SETD3: variants seen among roughly 807,000 people sequenced by gnomAD.
The protein encoded by SETD3 is SET domain containing 3, actin N3(tau)-histidine methyltransferase, also known as actin-histidine N-methyltransferase.
In SETD3, 19 loss-of-function variants were observed where a neutral mutation model predicts 63.0. The observed-to-expected ratio is 0.30, with a 90% CI of 0.21 to 0.44. SETD3 has a LOEUF of 0.44. Ranked by LOEUF, SETD3 falls within the 20% of genes least tolerant of loss-of-function variation. The pLI is 1.00. For missense variants in SETD3, 587 were observed against 728.5 expected, an observed-to-expected ratio of 0.81 and a Z score of 2.24; for synonymous variants, 286 against 264.1, an observed-to-expected ratio of 1.08 and a Z score of -0.80.
chr14:99,433,791 A>G lies in SETD3; in HGVS notation c.676-19857T>C, dbSNP rs943363769. Among the ~76,000 whole-genome samples the G allele has an allele frequency of 5.9e-5, 9 of 152,352 alleles. No individual in the cohort carries two copies. The South Asian group carries it at 6.2e-4, about 11-fold the overall frequency. On this transcript the variant is annotated intron_variant, in intron 6 of 12. Coordinates refer to ENST00000331768, the MANE Select transcript of SETD3 (RefSeq NM_032233.3). ...GAACAGGCACTTCCCAAAAGAGGAC[A>G]TCTAAGTAGCTAATAAGCAAATGAA...
intron 6 of SETD3, 75 bp downstream of exon 6, chr14:99,458,204 G>A (rs2139771967): frequency 2.1e-6 from 3 of 1,460,456 alleles, no homozygotes; most frequent in East Asian, 2.3e-5. Context: ...ACATCAAATG[G>A]AATATTTATG....
chr14:99,433,684 G>A (rs2139697089), intron 6 of SETD3, among the ~76,000 whole-genome samples: 1 of 152,244 alleles, frequency 6.6e-6, no homozygotes, highest in East Asian at 1.9e-4. Context: ...TGATCCACCT[G>A]CCTTGGCCTC....
chr14:99,485,247 G>A (rs959171235), upstream of SETD3, among the ~76,000 whole-genome samples: 3 of 152,132 alleles, frequency 2.0e-5, no homozygotes, highest in Non-Finnish European at 2.9e-5. Context: ...ATATACTTAC[G>A]ATTTATCCGC....
At chr14:99,413,835 AC>A (rs777246964) in intron 7 of SETD3, 40 bp downstream of exon 7, 94 of 1,603,024 alleles carry the variant, frequency 5.9e-5, no homozygotes, top group Non-Finnish European at 7.5e-5. Context: ...TCACTTAGAA[AC>A]CACCCTCAAT....
At chr14:99,413,111 C>T in intron 7 of SETD3, 46 bp from the exon 8 acceptor site, 1 of 1,129,232 alleles carries the variant, frequency 8.9e-7, no homozygotes, top group Non-Finnish European at 1.3e-6. Flanking sequence ...ATTTAAAAGC[C>T]AATTGCAGTA....
chr14:99,477,704 C>T (rs568638597), intron 1 of SETD3, among the ~76,000 whole-genome samples: 9 of 141,416 alleles, frequency 6.4e-5, no homozygotes, highest in African/African-American at 2.4e-4. Context: ...GCCGAGATCA[C>T]GACATTGCAC....
At position 99,399,204 on chromosome 14, in the gene SETD3, A is replaced by G. The variant is rs1595134486; in HGVS notation, c.1339-79T>C. On this transcript the variant is annotated intron_variant, in intron 12 of 12. Transcript: ENST00000331768. ...GAGACAGAGGGCACAACGGCTGGGG[A>G]TGGGGACATGAGGGAACTTTTTGGG... is the stretch of plus-strand genomic sequence containing the variant. The G allele has an allele frequency of 2.3e-6, 3 of 1,328,682 alleles. No individual in the cohort carries two copies. The Admixed American group carries it at 5.9e-5, about 26-fold the overall frequency. The allele number at this position is 1,328,682 out of a possible 1,614,324, so 82.3% of individuals were successfully genotyped here. A position where few individuals can be genotyped will look rare whatever the true frequency, so the allele number is the denominator to read the frequency against.
chr14:99,417,491 A>G (rs1892345611), intron 6 of SETD3, among the ~76,000 whole-genome samples: 1 of 152,264 alleles, frequency 6.6e-6, no homozygotes, highest in South Asian at 2.1e-4. Context: ...ATAAAGTATA[A>G]AAGAAGATGG....
rs186304740 is a variant in SETD3 at position 99,430,474 on chromosome 14, T to G, written c.676-16540A>C. ...CATGTTTTTAAAATAGGGAAAAAAG[T>G]CAAAGGTTTCTGACACCAGCACCAA... On this transcript the variant is annotated intron_variant, in intron 6 of 12. Coordinates refer to ENST00000331768, the MANE Select transcript of SETD3 (RefSeq NM_032233.3). Among the ~76,000 whole-genome samples, 27 of 152,300 alleles carry G rather than the reference T, an allele frequency of 1.8e-4. No individual in the cohort carries two copies. In the East Asian group the frequency reaches 4.4e-3, roughly 25 times the overall value.
chr14:99,419,576 C>T (rs956743844), intron 6 of SETD3, among the ~76,000 whole-genome samples: 4 of 151,992 alleles, frequency 2.6e-5, no homozygotes, highest in Non-Finnish European at 4.4e-5. Context: ...GAGATCGAGA[C>T]CATCCCGGCT....
chr14:99,399,989 C>G (rs930524086), intron 12 of SETD3, 110 bp downstream of exon 12: 21 of 979,112 alleles, frequency 2.1e-5, no homozygotes, highest in Non-Finnish European at 3.0e-5. Context: ...ATCCGCCCCG[C>G]CTCGACCTCC....
intron 1 of SETD3, among the ~76,000 whole-genome samples, chr14:99,477,826 A>AT (rs1157823877): frequency 2.0e-5 from 3 of 151,510 alleles, no homozygotes; most frequent in Non-Finnish European, 4.4e-5. Flanking sequence ...TTTGATAGAA[A>AT]TTTTTTACCT....
At chr14:99,414,774 A>G (rs1047477453) in intron 6 of SETD3, among the ~76,000 whole-genome samples, 3 of 31,758 alleles carry the variant, frequency 9.4e-5, no homozygotes, top group African/African-American at 4.8e-4. Flanking sequence ...TTCAGTTTCA[A>G]TTACAGTCTG....
At chr14:99,458,855 G>C (rs1280832385) in intron 5 of SETD3, among the ~76,000 whole-genome samples, 2 of 151,468 alleles carry the variant, frequency 1.3e-5, no homozygotes, top group African/African-American at 4.9e-5. Flanking sequence ...GGAGATCAAG[G>C]CTGTAGTGAG....
intron 10 of SETD3, 75 bp from the exon 11 acceptor site, chr14:99,404,385 CT>C (rs1376407698): frequency 7.6e-7 from 1 of 1,308,868 alleles, no homozygotes; most frequent in Non-Finnish European, 1.1e-6. Flanking sequence ...TTCCTTAAGT[CT>C]ACAGCACGTG....
chr14:99,461,029 C>G (rs1418363577), intron 4 of SETD3, among the ~76,000 whole-genome samples, 163 bp downstream of exon 4: 1 of 152,168 alleles, frequency 6.6e-6, no homozygotes, highest in African/African-American at 2.4e-5. Context: ...GTGGGAGGAG[C>G]TGCTTAGAAC....
chr14:99,405,387 GA>G lies in SETD3; in HGVS notation c.925-17del. 1 of 1,604,950 alleles carries G rather than the reference GA, an allele frequency of 6.2e-7. No homozygotes were observed. Among genetic ancestry groups the G allele is most frequent in the Non-Finnish European group, 8.5e-7 (1 of 1,176,800 alleles). On this transcript the variant is annotated splice_polypyrimidine_tract_variant and intron_variant, in intron 9 of 12. Transcript: ENST00000331768. ...AAATGTAAATCTGAGATGCAGTAAA[GA>G]AAAAAGAAAAGGGCATTAGACAAAC...
chr14:99,480,357 G>A (rs771140511), intron 1 of SETD3, among the ~76,000 whole-genome samples: 2 of 152,086 alleles, frequency 1.3e-5, no homozygotes, highest in African/African-American at 4.8e-5. Flanking sequence ...GGACAGCGGG[G>A]CAAGCTCGGG....
intron 1 of SETD3, among the ~76,000 whole-genome samples, chr14:99,472,529 A>T (rs1223855776): frequency 2.6e-5 from 4 of 152,240 alleles, no homozygotes; most frequent in Non-Finnish European, 4.4e-5. Context: ...GAGACACTCA[A>T]ATAGGTATTC....
Sources: allele counts gnomAD v4.1 joint callset (sites outside exome capture counted in the v4.1 genomes callset), GRCh38; gene constraint gnomAD v4.1.1; transcripts MANE v1.5; gene names NCBI Gene and HGNC (gene_info 2026-07-23, HGNC 2026-07-21).